The following DYNC1I1 variants were observed in gnomAD, a reference collection of about 807,000 sequenced individuals.
The protein encoded by DYNC1I1 is dynein cytoplasmic 1 intermediate chain 1, also known as cytoplasmic dynein 1 intermediate chain 1.
DYNC1I1 carries 43 observed loss-of-function variants against 86.6 expected under a neutral mutation model. That is an observed-to-expected ratio of 0.50 (90% confidence interval 0.39 to 0.64). The LOEUF is 0.64. Among genes scored for constraint, DYNC1I1 ranks in the 30% least tolerant of loss-of-function variants. The pLI is 0.00. For missense variants in DYNC1I1, 604 were observed against 788.8 expected, an observed-to-expected ratio of 0.77 and a Z score of 2.81; for synonymous variants, 262 against 283.7, an observed-to-expected ratio of 0.92 and a Z score of 0.77.
At chr7:95,914,439 G>A (rs1791418136) in intron 6 of DYNC1I1, among the ~76,000 whole-genome samples, 1 of 152,178 alleles carries the variant, frequency 6.6e-6, no homozygotes, top group East Asian at 1.9e-4. Flanking sequence ...CCCATATTGG[G>A]TCAGTCATGT....
At chr7:95,892,817 C>T (rs2116275715) in intron 6 of DYNC1I1, among the ~76,000 whole-genome samples, 1 of 151,762 alleles carries the variant, frequency 6.6e-6, no homozygotes, top group East Asian at 1.9e-4. Flanking sequence ...AATACAAATG[C>T]TATCTTATAG....
At chr7:95,892,827 G>C (rs6946585) in intron 6 of DYNC1I1, among the ~76,000 whole-genome samples, 1,906 of 149,752 alleles carry the variant, frequency 0.013, 17 homozygotes, top group Non-Finnish European at 0.02. Context: ...CTATCTTATA[G>C]AGGGAGAAAA....
At chr7:95,970,784 G>A (rs1027861286) in intron 6 of DYNC1I1, among the ~76,000 whole-genome samples, 5 of 152,168 alleles carry the variant, frequency 3.3e-5, no homozygotes, top group African/African-American at 1.2e-4. Context: ...TGGTTGTAGA[G>A]ATAGATGCAA....
chr7:95,794,651 C>T (rs1035320145), intron 1 of DYNC1I1, among the ~76,000 whole-genome samples: 1 of 151,372 alleles, frequency 6.6e-6, no homozygotes, highest in African/African-American at 2.5e-5. Flanking sequence ...ACTGAGGGCT[C>T]GAGAGCCTCT....
At chr7:96,046,964 A>G (rs1025555084) in intron 14 of DYNC1I1, among the ~76,000 whole-genome samples, 1 of 152,194 alleles carries the variant, frequency 6.6e-6, no homozygotes, top group African/African-American at 2.4e-5. Flanking sequence ...TCAGGGTTCT[A>G]TAACAAAACA....
At chr7:95,879,277 A>G (rs1300995310) in intron 6 of DYNC1I1, among the ~76,000 whole-genome samples, 2 of 152,214 alleles carry the variant, frequency 1.3e-5, no homozygotes, top group Non-Finnish European at 1.5e-5. Flanking sequence ...CAATAATTGT[A>G]TTATTCAGCC....
intron 15 of DYNC1I1, among the ~76,000 whole-genome samples, chr7:96,079,049 A>T (rs1790433133): frequency 6.6e-6 from 1 of 151,720 alleles, no homozygotes; most frequent in African/African-American, 2.4e-5. Context: ...TTTTTTGCTC[A>T]CAATTGACAT....
chr7:95,855,672 G>A (rs1789700954), intron 5 of DYNC1I1, among the ~76,000 whole-genome samples: 1 of 152,138 alleles, frequency 6.6e-6, no homozygotes, highest in Non-Finnish European at 1.5e-5. Flanking sequence ...TTGCTCTTAG[G>A]CTACAAACCT....
At position 95,875,343 on chromosome 7, in the gene DYNC1I1, C is replaced by T. The variant is rs139736093; in HGVS notation, c.490+5345C>T. 1.6e-4 allele frequency among the ~76,000 whole-genome samples: 24 copies of T among 152,282 alleles called. No homozygotes were observed. The East Asian group carries it at 4.0e-3, about 26-fold the overall frequency. Reference sequence around the variant, plus strand: ...TTCAGCACACTCATATACATTATTACGCTTGCAGCATTGCTAGAATTTACT... The same window carrying T: ...TTCAGCACACTCATATACATTATTATGCTTGCAGCATTGCTAGAATTTACT... On this transcript the variant is annotated intron_variant, in intron 6 of 16. Coordinates refer to ENST00000447467, the MANE Select transcript of DYNC1I1 (RefSeq NM_001135556.2).
intron 14 of DYNC1I1, among the ~76,000 whole-genome samples, chr7:96,061,742 A>G (rs1449219797): frequency 6.8e-5 from 10 of 147,750 alleles, no homozygotes; most frequent in African/African-American, 2.6e-4. Flanking sequence ...ACACGCACAC[A>G]AACACACACA....
chr7:95,931,603 C>T (rs982791223), intron 6 of DYNC1I1, among the ~76,000 whole-genome samples: 5 of 152,164 alleles, frequency 3.3e-5, no homozygotes, highest in African/African-American at 1.2e-4. Context: ...CAAGTTCTAA[C>T]CCAAAGGCCA....
chr7:96,096,053 G>A (rs1434945451), intron 16 of DYNC1I1, among the ~76,000 whole-genome samples: 2 of 152,094 alleles, frequency 1.3e-5, no homozygotes, highest in African/African-American at 2.4e-5. Flanking sequence ...CGCAAAATAA[G>A]TCAGAGAACT....
Position 96,105,594 on chromosome 7 carries a change from T to G in DYNC1I1, c.1543-4385T>G, listed in dbSNP as rs187634207. ...AGGGTTTTCCCATAATCGTTCCTTG[T>G]GAATACTGATCTATAATTTTCTATT... On this transcript the variant is annotated intron_variant, in intron 16 of 16. Transcript: ENST00000537881. Among the ~76,000 whole-genome samples, 112 of 152,314 alleles carry G rather than the reference T, an allele frequency of 7.4e-4. 3 individuals are homozygous for G. In the East Asian group the frequency reaches 0.021, roughly 28 times the overall value.
intron 6 of DYNC1I1, among the ~76,000 whole-genome samples, chr7:95,905,227 T>A (rs1200428315): frequency 6.6e-6 from 1 of 152,060 alleles, no homozygotes; most frequent in African/African-American, 2.4e-5. Context: ...CATTTTGGCT[T>A]GGAAAGTAAT....
At chr7:95,803,163 T>G (rs1376544545) in intron 1 of DYNC1I1, among the ~76,000 whole-genome samples, 1 of 152,182 alleles carries the variant, frequency 6.6e-6, no homozygotes, top group African/African-American at 2.4e-5. Flanking sequence ...GAAAAGGAAT[T>G]AATAATAAGA....
At chr7:95,870,237 C>T (rs893695652) in intron 6 of DYNC1I1, among the ~76,000 whole-genome samples, 2 of 152,078 alleles carry the variant, frequency 1.3e-5, no homozygotes, top group South Asian at 2.1e-4. Context: ...CTCACTACAT[C>T]GAAATCATGT....
chr7:95,986,659 A>G (rs1452067173), intron 8 of DYNC1I1, among the ~76,000 whole-genome samples: 1 of 152,002 alleles, frequency 6.6e-6, no homozygotes, highest in Non-Finnish European at 1.5e-5. Flanking sequence ...CAAATAAGGT[A>G]GTATCGATAT....
In DYNC1I1 at chr7:95,979,832, G is replaced by A. The variant is rs144856736; in HGVS notation, c.580+2231G>A. ...TCTGAGAGTCTAAATGAATTTGATC[G>A]AAGAGATCTCACATTTAAACTTATA... On this transcript the variant is annotated intron_variant, in intron 7 of 16. Transcript: ENST00000447467. Among the ~76,000 whole-genome samples, 511 of 152,110 alleles carry A rather than the reference G, an allele frequency of 3.4e-3. 12 individuals are homozygous for A. The highest frequency in any genetic ancestry group is 0.027 in the Admixed American group (406 of 15,286).
intron 10 of DYNC1I1, among the ~76,000 whole-genome samples, chr7:96,001,098 G>A (rs910184852): frequency 6.6e-6 from 1 of 152,138 alleles, no homozygotes; most frequent in Non-Finnish European, 1.5e-5. Flanking sequence ...TGTCAACACA[G>A]AACTCCAGCT....
Sources: gnomAD v4.1 joint callset for allele counts (sites outside exome capture counted in the v4.1 genomes callset) on GRCh38, gnomAD v4.1.1 for gene constraint, MANE v1.5 for transcripts, NCBI Gene and HGNC (gene_info 2026-07-23, HGNC 2026-07-21) for gene names.